The following GRM3 variants were observed in gnomAD, a reference collection of about 807,000 sequenced individuals.
GRM3 encodes the protein glutamate metabotropic receptor 3.
In GRM3, 26 loss-of-function variants were observed where a neutral mutation model predicts 70.5. The observed-to-expected ratio is 0.37, with a 90% CI of 0.27 to 0.51. The LOEUF is 0.51. Among genes scored for constraint, GRM3 ranks in the 20% least tolerant of loss-of-function variants. GRM3 has a pLI of 0.93. For missense variants in GRM3, 859 were observed against 1,123.8 expected, an observed-to-expected ratio of 0.76 and a Z score of 3.37; for synonymous variants, 443 against 434.9, an observed-to-expected ratio of 1.02 and a Z score of -0.23.
chr7:86,764,047 G>C (rs1456546439), intron 1 of GRM3, among the ~76,000 whole-genome samples: 1 of 152,048 alleles, frequency 6.6e-6, no homozygotes, highest in East Asian at 1.9e-4. Flanking sequence ...AGACTCTAGG[G>C]TGCAGATTTC....
At chr7:86,731,515 G>A (rs1288983514) in intron 1 of GRM3, among the ~76,000 whole-genome samples, 1 of 152,128 alleles carries the variant, frequency 6.6e-6, no homozygotes, top group Non-Finnish European at 1.5e-5. Flanking sequence ...ATTTTACATG[G>A]TTTAACCTAA....
intron 1 of GRM3, among the ~76,000 whole-genome samples, chr7:86,723,481 A>T (rs1476739309): frequency 6.6e-6 from 1 of 152,182 alleles, no homozygotes; most frequent in East Asian, 1.9e-4. Context: ...AAAAGAATTA[A>T]ATTGATGGTA....
intron 1 of GRM3, among the ~76,000 whole-genome samples, chr7:86,724,454 T>C (rs929452648): frequency 2.0e-4 from 31 of 152,158 alleles, no homozygotes; most frequent in African/African-American, 7.2e-4. Flanking sequence ...GAAGACTCAA[T>C]TTCCATATTG....
intron 3 of GRM3, among the ~76,000 whole-genome samples, chr7:86,837,539 T>G (rs758211008): frequency 1.2e-4 from 18 of 152,198 alleles, no homozygotes; most frequent in Non-Finnish European, 2.2e-4. Flanking sequence ...CTTTTAAGGT[T>G]GAGTGTGTCC....
intron 1 of GRM3, among the ~76,000 whole-genome samples, chr7:86,749,266 GC>G (rs564320541): frequency 1.3e-5 from 2 of 152,010 alleles, no homozygotes; most frequent in Non-Finnish European, 2.9e-5. Flanking sequence ...CATCTTGTGT[GC>G]CCCACCACAG....
At chr7:86,798,113 C>T (rs1219687890) in intron 3 of GRM3, among the ~76,000 whole-genome samples, 2 of 152,206 alleles carry the variant, frequency 1.3e-5, no homozygotes, top group Non-Finnish European at 2.9e-5. Flanking sequence ...CATGGAGAAC[C>T]TCTGCTAGGG....
At chr7:86,862,618 G>A (rs1384812033) in intron 5 of GRM3, among the ~76,000 whole-genome samples, 2 of 152,098 alleles carry the variant, frequency 1.3e-5, no homozygotes, top group Admixed American at 1.3e-4. Flanking sequence ...AAAAGAGTTA[G>A]CATGTTGCAT....
intron 1 of GRM3, among the ~76,000 whole-genome samples, chr7:86,722,606 G>A (rs1173245116): frequency 7.0e-6 from 1 of 142,200 alleles, no homozygotes; most frequent in Non-Finnish European, 1.5e-5. Context: ...GGACTGTCGG[G>A]GGGTGGGGGG....
chr7:86,808,506 G>C (rs1797844234), intron 3 of GRM3, among the ~76,000 whole-genome samples: 1 of 151,552 alleles, frequency 6.6e-6, no homozygotes, highest in Non-Finnish European at 1.5e-5. Flanking sequence ...CCACAAATAA[G>C]CTAGTACAGA....
intron 1 of GRM3, among the ~76,000 whole-genome samples, chr7:86,738,311 G>A (rs143076741): frequency 5.3e-5 from 8 of 152,238 alleles, no homozygotes; most frequent in Admixed American, 5.2e-4. Flanking sequence ...AAAAAGTATG[G>A]ATGCTTTTGA....
intron 3 of GRM3, among the ~76,000 whole-genome samples, chr7:86,794,584 C>T (rs879723902): frequency 2.0e-5 from 3 of 152,164 alleles, no homozygotes; most frequent in Non-Finnish European, 4.4e-5. Flanking sequence ...GGCTAAAGAA[C>T]TTGAAAACTA....
chr7:86,829,532 A>C (rs1562876709), intron 3 of GRM3, among the ~76,000 whole-genome samples: 1 of 152,204 alleles, frequency 6.6e-6, no homozygotes, highest in Non-Finnish European at 1.5e-5. Context: ...CTTTCACTTG[A>C]ACACTTATAG....
At chr7:86,695,411 G>C (rs1794793127) in intron 1 of GRM3, among the ~76,000 whole-genome samples, 1 of 152,084 alleles carries the variant, frequency 6.6e-6, no homozygotes, top group South Asian at 2.1e-4. Context: ...TCTTATATCT[G>C]ATATAGTAAC....
In GRM3 at chr7:86,644,412, C is replaced by T. The variant is rs907294286; in HGVS notation, c.-601C>T. On this transcript the variant is annotated 5_prime_UTR_variant, in exon 1 of 6. Coordinates refer to ENST00000361669, the MANE Select transcript of GRM3 (RefSeq NM_000840.3). ...CCCAATTAGATGCGACGGCTTCAGC[C>T]TGGTCAAGGTGAAGGAAAGTTGCTT... 6.0e-6 allele frequency: 2 copies of T among 333,056 alleles called. No homozygotes were observed. Among genetic ancestry groups the T allele is most frequent in the African/African-American group, 4.4e-5 (2 of 45,750 alleles). 20.6% of individuals were successfully genotyped at this position (333,056 alleles called of 1,614,324 possible).
At chr7:86,760,255 G>C (rs1215748013) in intron 1 of GRM3, among the ~76,000 whole-genome samples, 10 of 152,022 alleles carry the variant, frequency 6.6e-5, no homozygotes, top group Admixed American at 6.6e-4. Context: ...TGGATGAAAA[G>C]ACATATTATC....
intron 1 of GRM3, among the ~76,000 whole-genome samples, chr7:86,653,855 A>G (rs903884796): frequency 1.3e-5 from 2 of 152,160 alleles, no homozygotes; most frequent in South Asian, 2.1e-4. Flanking sequence ...ATCATTAATG[A>G]AAAGATTATT....
At chr7:86,753,474 TG>T (rs1266536205) in intron 1 of GRM3, among the ~76,000 whole-genome samples, 1 of 152,140 alleles carries the variant, frequency 6.6e-6, no homozygotes, top group Non-Finnish European at 1.5e-5. Context: ...TATTTTACAT[TG>T]TAACCCAGAA....
At chr7:86,661,243 T>C (rs190633416) in intron 1 of GRM3, among the ~76,000 whole-genome samples, 3 of 152,126 alleles carry the variant, frequency 2.0e-5, no homozygotes, top group Admixed American at 1.3e-4. Context: ...AAGAAAAATA[T>C]GATGCAATGT....
At chr7:86,712,516 T>C (rs1455979531) in intron 1 of GRM3, among the ~76,000 whole-genome samples, 1 of 152,064 alleles carries the variant, frequency 6.6e-6, no homozygotes, top group Non-Finnish European at 1.5e-5. Context: ...CTTCCAGGTA[T>C]TTTGAAATGT....
Sources: gnomAD v4.1 joint callset for allele counts (sites outside exome capture counted in the v4.1 genomes callset) on GRCh38, gnomAD v4.1.1 for gene constraint, MANE v1.5 for transcripts, NCBI Gene and HGNC (gene_info 2026-07-23, HGNC 2026-07-21) for gene names.